PRKG1: variants seen among roughly 807,000 people sequenced by gnomAD.
PRKG1 encodes the protein cGMP-dependent protein kinase 1.
Under a neutral mutation model 88.1 loss-of-function variants are expected in PRKG1, and 35 were observed. The ratio of observed to expected loss-of-function variants is 0.40; its 90% confidence interval spans 0.30 to 0.53. PRKG1 has a LOEUF of 0.53. Among genes scored for constraint, PRKG1 ranks in the 20% least tolerant of loss-of-function variants. The probability of loss-of-function intolerance (pLI) is 0.59; values close to 1 mark genes in which losing one functional copy is unlikely to be tolerated. For synonymous variants in PRKG1, 303 were observed against 292.5 expected (o/e 1.04, Z -0.37); for missense variants, 540 against 839.8 (o/e 0.64, Z 4.41).
chr10:51,525,959 A>G (rs1005703193), intron 3 of PRKG1, among the ~76,000 whole-genome samples: 1 of 151,946 alleles, frequency 6.6e-6, no homozygotes, highest in Admixed American at 6.6e-5. Context: ...CTGAGTAGCT[A>G]GGATTACAGC....
chr10:51,312,893 C>T (rs539859708), intron 2 of PRKG1, among the ~76,000 whole-genome samples: 46 of 152,184 alleles, frequency 3.0e-4, no homozygotes, highest in African/African-American at 9.9e-4. Context: ...GGAGGCCATA[C>T]GGTGACATTT....
At chr10:52,195,002 A>G (rs756134731) in intron 9 of PRKG1, among the ~76,000 whole-genome samples, 1 of 152,198 alleles carries the variant, frequency 6.6e-6, no homozygotes, top group Non-Finnish European at 1.5e-5. Context: ...GAACTCTGAG[A>G]AAGTACCAGT....
intron 3 of PRKG1, among the ~76,000 whole-genome samples, chr10:51,718,134 A>T (rs994518022): frequency 6.6e-6 from 1 of 152,208 alleles, no homozygotes; most frequent in Non-Finnish European, 1.5e-5. Context: ...GTGGGGAAAA[A>T]CAACAAATTG....
At chr10:51,158,497 A>C (rs1846272968) in intron 2 of PRKG1, among the ~76,000 whole-genome samples, 3 of 152,050 alleles carry the variant, frequency 2.0e-5, no homozygotes. Context: ...GACTATTTGC[A>C]AGAAATAAAA....
chr10:52,233,274 G>T (rs1033524896), intron 9 of PRKG1, among the ~76,000 whole-genome samples: 1 of 151,454 alleles, frequency 6.6e-6, no homozygotes, highest in African/African-American at 2.4e-5. Flanking sequence ...TGGGAAAAAG[G>T]AAGTCAAATA....
intron 2 of PRKG1, among the ~76,000 whole-genome samples, chr10:51,384,186 C>T (rs562078211): frequency 6.6e-6 from 1 of 152,264 alleles, no homozygotes; most frequent in South Asian, 2.1e-4. Context: ...GCTAAGATTG[C>T]AGCCAGAGCC....
chr10:52,176,173 C>CTTTTTTTTTTT (rs140722137), intron 9 of PRKG1, among the ~76,000 whole-genome samples: 1 of 95,674 alleles, frequency 1.0e-5, no homozygotes, highest in African/African-American at 3.8e-5. Context: ...TTCTTTTTCT[C>CTTTTTTTTTTT]TTTTTTTTTT....
intron 3 of PRKG1, among the ~76,000 whole-genome samples, chr10:51,623,746 C>T (rs1430123653): frequency 6.6e-6 from 1 of 152,096 alleles, no homozygotes; most frequent in Non-Finnish European, 1.5e-5. Context: ...AGTTGATTCT[C>T]AGGAACGCAT....
chr10:52,182,969 G>A (rs1024383876), intron 9 of PRKG1, among the ~76,000 whole-genome samples: 5 of 152,144 alleles, frequency 3.3e-5, no homozygotes, highest in African/African-American at 1.2e-4. Flanking sequence ...GGAAAGTAAA[G>A]GGGGAGCAAG....
intron 7 of PRKG1, among the ~76,000 whole-genome samples, chr10:52,109,462 A>G (rs1341008428): frequency 6.6e-6 from 1 of 152,096 alleles, no homozygotes; most frequent in Non-Finnish European, 1.5e-5. Context: ...AATATCCACC[A>G]TTTATTTAGA....
chr10:51,184,707 A>G (rs751184755), intron 2 of PRKG1, among the ~76,000 whole-genome samples: 29 of 152,164 alleles, frequency 1.9e-4, no homozygotes, highest in Admixed American at 3.3e-4. Flanking sequence ...TTACTATTTC[A>G]TATCTAATCT....
intron 4 of PRKG1, among the ~76,000 whole-genome samples, chr10:51,822,635 A>C (rs1028399326): frequency 2.0e-5 from 3 of 152,166 alleles, no homozygotes. Flanking sequence ...TCTGTGTCCC[A>C]CCAGTTTCTC....
At chr10:51,907,716 G>C (rs7081919) in intron 5 of PRKG1, 146 bp downstream of exon 5, 2 of 587,970 alleles carry the variant, frequency 3.4e-6, no homozygotes, top group Non-Finnish European at 5.8e-6. Context: ...ATTTGGCTTC[G>C]TATAGAAAGC....
chr10:52,243,327 G>T (rs930036217), intron 9 of PRKG1, among the ~76,000 whole-genome samples: 28 of 152,124 alleles, frequency 1.8e-4, no homozygotes, highest in African/African-American at 6.8e-4. Flanking sequence ...ACTGCAGATA[G>T]AATCAGATAG....
intron 1 of PRKG1, among the ~76,000 whole-genome samples, chr10:51,011,819 A>G (rs1842997568): frequency 6.6e-6 from 1 of 152,194 alleles, no homozygotes; most frequent in African/African-American, 2.4e-5. Context: ...CTATCAGTCT[A>G]TTCTCATGCT....
At chr10:51,167,745 T>A (rs1904688) in intron 2 of PRKG1, among the ~76,000 whole-genome samples, 70,338 of 151,924 alleles carry the variant, frequency 0.46, 16,278 homozygotes, top group African/African-American at 0.53. Context: ...CTTGTATGTT[T>A]TTATGTAATT....
rs1842405513 is a variant in PRKG1, at chr10:52,297,425, A to G, written c.*3525A>G. On this transcript the variant is annotated 3_prime_UTR_variant, in exon 18 of 18. Coordinates refer to ENST00000373980, the MANE Select transcript of PRKG1 (RefSeq NM_006258.4). Reference sequence around the variant, plus strand: ...TATGCTGCATGACAAAGACAAACACACCTCAAAATGTTGTCCTTTCTTAGC... The same window carrying G: ...TATGCTGCATGACAAAGACAAACACGCCTCAAAATGTTGTCCTTTCTTAGC... The G allele has an allele frequency of 6.6e-6, 1 of 152,130 alleles. No homozygotes were observed. The highest frequency in any genetic ancestry group is 1.5e-5 in the Non-Finnish European group (1 of 68,016). 9.4% of individuals were successfully genotyped at this position (152,130 alleles called of 1,614,324 possible). A position where few individuals can be genotyped will look rare whatever the true frequency, so the allele number is the denominator to read the frequency against.
intron 2 of PRKG1, among the ~76,000 whole-genome samples, chr10:51,446,592 C>T (rs899911278): frequency 2.0e-5 from 3 of 152,004 alleles, no homozygotes; most frequent in African/African-American, 7.2e-5. Context: ...TTTTCATCTG[C>T]CTCAAGAACC....
intron 5 of PRKG1, among the ~76,000 whole-genome samples, chr10:51,984,599 C>T (rs533782406): frequency 4.6e-4 from 70 of 152,050 alleles, no homozygotes; most frequent in Non-Finnish European, 7.9e-4. Flanking sequence ...TGCAACATTG[C>T]AAAGTGAACT....
Sources: allele counts gnomAD v4.1 joint callset (sites outside exome capture counted in the v4.1 genomes callset), GRCh38; gene constraint gnomAD v4.1.1; transcripts MANE v1.5; gene names NCBI Gene and HGNC (gene_info 2026-07-23, HGNC 2026-07-21).